The following ZFAND3 variants were observed in gnomAD, a reference collection of about 807,000 sequenced individuals.
The protein encoded by ZFAND3 is AN1-type zinc finger protein 3.
A neutral mutation model predicts 29.6 loss-of-function variants in ZFAND3; 10 were observed. The observed-to-expected ratio is 0.34, with a 90% CI of 0.21 to 0.57. The LOEUF (loss-of-function observed/expected upper bound fraction) is 0.57. ZFAND3 is among the 20% of genes least tolerant of loss of function. ZFAND3 has a pLI of 0.86. For missense variants in ZFAND3, 230 were observed against 304.5 expected, an observed-to-expected ratio of 0.76 and a Z score of 1.82; for synonymous variants, 128 against 112.6, an observed-to-expected ratio of 1.14 and a Z score of -0.87.
At chr6:37,874,725 C>T (rs1431140728) in intron 1 of ZFAND3, among the ~76,000 whole-genome samples, 1 of 151,988 alleles carries the variant, frequency 6.6e-6, no homozygotes, top group Non-Finnish European at 1.5e-5. Context: ...CACAATTCAA[C>T]CCATAATACC....
intron 2 of ZFAND3, among the ~76,000 whole-genome samples, chr6:37,981,385 G>A (rs185813146): frequency 6.6e-6 from 1 of 152,290 alleles, no homozygotes. Context: ...ACTAAGTGAT[G>A]CTGTTCTGTG....
chr6:37,983,496 A>G (rs1762615124), intron 2 of ZFAND3, among the ~76,000 whole-genome samples: 1 of 151,786 alleles, frequency 6.6e-6, no homozygotes, highest in Admixed American at 6.6e-5. Context: ...GGTAGCTGGG[A>G]TTACAGGCAT....
In ZFAND3 at chr6:38,153,137, G is replaced by T; in HGVS notation, c.*748G>T. The T allele has an allele frequency of 2.0e-6, 2 of 985,516 alleles. No homozygotes were observed. Among genetic ancestry groups the T allele is most frequent in the Non-Finnish European group, 2.4e-6 (2 of 829,974 alleles). The allele number at this position is 985,516 out of a possible 1,614,324, so 61.0% of individuals were successfully genotyped here. A position where few individuals can be genotyped will look rare whatever the true frequency, so the allele number is the denominator to read the frequency against. ...TCACGAGAAGCAGCCAGAGTGCCCC[G>T]CCTCCGCCGGCTCTGGTCTGCCATT... On this transcript the variant is annotated 3_prime_UTR_variant, in exon 6 of 6. Transcript: ENST00000287218.
intron 2 of ZFAND3, among the ~76,000 whole-genome samples, chr6:37,986,442 G>A (rs1015388605): frequency 6.6e-6 from 1 of 152,174 alleles, no homozygotes; most frequent in African/African-American, 2.4e-5. Context: ...CAGAAATTAT[G>A]TTCAGTAAGC....
intron 5 of ZFAND3, among the ~76,000 whole-genome samples, chr6:38,126,426 G>A (rs1765636339): frequency 6.6e-6 from 1 of 152,214 alleles, no homozygotes; most frequent in Admixed American, 6.5e-5. Context: ...GCATGGAGTT[G>A]CCAGGTTAAA....
In ZFAND3 at chr6:37,845,760, G is replaced by A. The variant is rs367816651; in HGVS notation, c.71+25744G>A. Among the ~76,000 whole-genome samples the A allele has an allele frequency of 1.4e-4, 21 of 152,274 alleles. No homozygotes were observed. In the East Asian group the frequency reaches 3.3e-3, roughly 24 times the overall value. On this transcript the variant is annotated intron_variant, in intron 1 of 5. Transcript: ENST00000287218. ...ACATACTCTCTTAGATAAAATGTTT[G>A]TAAAGTGCTTTGGGAAATAATGATG...
At chr6:38,075,859 C>G (rs568893670) in intron 3 of ZFAND3, among the ~76,000 whole-genome samples, 22 of 152,298 alleles carry the variant, frequency 1.4e-4, no homozygotes, top group African/African-American at 5.3e-4. Flanking sequence ...TCACGCCATT[C>G]TCCTGCCTCA....
chr6:38,118,771 A>AG (rs1186389426), intron 5 of ZFAND3, among the ~76,000 whole-genome samples: 1 of 151,632 alleles, frequency 6.6e-6, no homozygotes, highest in African/African-American at 2.4e-5. Context: ...AAAGAAAAAA[A>AG]AAAAAACAGT....
At chr6:37,982,078 A>G (rs1762590126) in intron 2 of ZFAND3, among the ~76,000 whole-genome samples, 1 of 152,180 alleles carries the variant, frequency 6.6e-6, no homozygotes, top group Non-Finnish European at 1.5e-5. Context: ...GTGAAACAAT[A>G]GGGCAAAGGA....
chr6:38,107,726 G>A (rs971791950), intron 4 of ZFAND3, among the ~76,000 whole-genome samples: 6 of 152,132 alleles, frequency 3.9e-5, no homozygotes, highest in African/African-American at 1.4e-4. Context: ...CCAGCTACTC[G>A]AGAGGCTGAG....
chr6:37,895,459 C>CTTTTTTTTTTTTTTTT (rs11331881), intron 1 of ZFAND3, among the ~76,000 whole-genome samples: 4 of 76,770 alleles, frequency 5.2e-5, no homozygotes, highest in Non-Finnish European at 7.1e-5. Flanking sequence ...CTCAGAGGTT[C>CTTTTTTTTTTTTTTTT]TTTTTTTTTT....
chr6:38,078,504 A>C (rs1005123611), intron 3 of ZFAND3, among the ~76,000 whole-genome samples: 4 of 152,246 alleles, frequency 2.6e-5, no homozygotes, highest in African/African-American at 9.6e-5. Context: ...AGCAAAAAGC[A>C]TTTATGATGA....
At chr6:37,987,693 A>G (rs1762693655) in intron 2 of ZFAND3, among the ~76,000 whole-genome samples, 1 of 152,174 alleles carries the variant, frequency 6.6e-6, no homozygotes, top group Non-Finnish European at 1.5e-5. Flanking sequence ...AATTTCTGAG[A>G]TCATTTGCTA....
intron 2 of ZFAND3, among the ~76,000 whole-genome samples, chr6:37,998,235 A>T (rs2127438326): frequency 6.6e-6 from 1 of 152,326 alleles, no homozygotes; most frequent in Non-Finnish European, 1.5e-5. Flanking sequence ...CATTAGTATG[A>T]CATGGAAGAT....
intron 2 of ZFAND3, among the ~76,000 whole-genome samples, chr6:38,011,036 A>G (rs115605543): frequency 0.064 from 9,700 of 151,550 alleles, 417 homozygotes; most frequent in Middle Eastern, 0.095. Context: ...CATGCCAATG[A>G]CTGGCTCATT....
At chr6:37,962,889 G>A (rs1237556500) in intron 2 of ZFAND3, among the ~76,000 whole-genome samples, 2 of 152,190 alleles carry the variant, frequency 1.3e-5, no homozygotes, top group Non-Finnish European at 2.9e-5. Flanking sequence ...GTGAATGTCT[G>A]CGGCTTCACT....
intron 2 of ZFAND3, among the ~76,000 whole-genome samples, chr6:37,975,411 T>C (rs1762461278): frequency 6.6e-6 from 1 of 152,190 alleles, no homozygotes; most frequent in South Asian, 2.1e-4. Flanking sequence ...TTTTTCTTGC[T>C]CTTTGACTTG....
intron 2 of ZFAND3, among the ~76,000 whole-genome samples, chr6:38,010,369 T>C (rs1763126916): frequency 6.6e-6 from 1 of 152,178 alleles, no homozygotes; most frequent in African/African-American, 2.4e-5. Context: ...TTACCATCCT[T>C]CTAATGAAAT....
chr6:38,129,113 G>A (rs1765694151), intron 5 of ZFAND3, among the ~76,000 whole-genome samples: 1 of 152,000 alleles, frequency 6.6e-6, no homozygotes, highest in East Asian at 1.9e-4. Flanking sequence ...ATGTTTGTTT[G>A]CCATTTGTAT....
Sources: gnomAD v4.1 joint callset for allele counts (sites outside exome capture counted in the v4.1 genomes callset) on GRCh38, gnomAD v4.1.1 for gene constraint, MANE v1.5 for transcripts, NCBI Gene and HGNC (gene_info 2026-07-23, HGNC 2026-07-21) for gene names.